Variants in TTC28 observed in about 807,000 individuals in gnomAD.
TTC28 encodes the protein tetratricopeptide repeat protein 28.
TTC28 carries 61 observed loss-of-function variants against 198.0 expected under a neutral mutation model. That is an observed-to-expected ratio of 0.31 (90% CI 0.25 to 0.38). The LOEUF (loss-of-function observed/expected upper bound fraction) is 0.38. Ranked by LOEUF, TTC28 falls within the 10% of genes least tolerant of loss-of-function variation. The probability of loss-of-function intolerance (pLI) is 1.00; values close to 1 mark genes in which losing one functional copy is unlikely to be tolerated. For missense variants in TTC28, 2,678 were observed against 3,164.0 expected (o/e 0.85, Z 3.69); for synonymous variants, 1,171 against 1,297.8 (o/e 0.90, Z 2.10).
At chr22:28,084,173 C>G (rs1941471719) in intron 12 of TTC28, among the ~76,000 whole-genome samples, 1 of 152,228 alleles carries the variant, frequency 6.6e-6, no homozygotes, top group Admixed American at 6.5e-5. Flanking sequence ...GTAGTTCTCC[C>G]AGCACACAGC....
rs745496541 is a variant in TTC28 at position 28,251,812 on chromosome 22, C to T, written c.933+44386G>A. On this transcript the variant is annotated intron_variant, in intron 5 of 22. Coordinates refer to ENST00000397906, the MANE Select transcript of TTC28 (RefSeq NM_001145418.2). ...ATTTCACTCTCCATTAAAAAGGATC[C>T]TGAATCAGAAATTCTCTCTCTCTCT... 4.5e-4 allele frequency among the ~76,000 whole-genome samples: 68 copies of T among 152,032 alleles called. 1 individual carries two copies. The highest frequency in any genetic ancestry group is 9.7e-5 in the African/African-American group (4 of 41,406).
At chr22:28,326,253 T>A (rs965958282) in intron 2 of TTC28, among the ~76,000 whole-genome samples, 3 of 152,176 alleles carry the variant, frequency 2.0e-5, no homozygotes, top group African/African-American at 7.2e-5. Flanking sequence ...TCCATTTATA[T>A]GACATTTGAA....
At chr22:28,341,915 G>A (rs1242477003) in intron 2 of TTC28, among the ~76,000 whole-genome samples, 1 of 152,068 alleles carries the variant, frequency 6.6e-6, no homozygotes, top group Non-Finnish European at 1.5e-5. Flanking sequence ...GGAGTTCAAG[G>A]TTACAGTGAG....
At chr22:28,211,126 A>G (rs1427917938) in intron 5 of TTC28, among the ~76,000 whole-genome samples, 1 of 152,180 alleles carries the variant, frequency 6.6e-6, no homozygotes, top group Admixed American at 6.5e-5. Context: ...AGAGCTCCTG[A>G]AGGAAGCACT....
chr22:28,406,066 T>A (rs928961361), intron 2 of TTC28, among the ~76,000 whole-genome samples: 1 of 152,242 alleles, frequency 6.6e-6, no homozygotes. Context: ...AGAACCCTCC[T>A]GCGCTAAGCC....
intron 2 of TTC28, among the ~76,000 whole-genome samples, chr22:28,366,112 A>G (rs529380615): frequency 6.6e-6 from 1 of 152,226 alleles, no homozygotes; most frequent in Non-Finnish European, 1.5e-5. Context: ...CATGTTGAAA[A>G]TACCATTCTA....
intron 1 of TTC28, among the ~76,000 whole-genome samples, chr22:28,647,090 C>G (rs141910257): frequency 6.6e-6 from 1 of 152,082 alleles, no homozygotes; most frequent in East Asian, 1.9e-4. Context: ...ATACTTACAA[C>G]CAACTGATCT....
chr22:28,508,601 AACC>A (rs1450614725), intron 2 of TTC28, among the ~76,000 whole-genome samples: 1 of 152,142 alleles, frequency 6.6e-6, no homozygotes, highest in East Asian at 1.9e-4. Flanking sequence ...ACACACTTTA[AACC>A]AACAATGATC....
chr22:28,617,332 GA>G (rs35868414), intron 2 of TTC28, among the ~76,000 whole-genome samples: 19,518 of 122,126 alleles, frequency 0.16, 1,471 homozygotes, highest in African/African-American at 0.23. Flanking sequence ...AACTTTTTTT[GA>G]AAAAAAAAAA....
Position 28,001,384 on chromosome 22 carries a change from A to G in TTC28, c.4388T>C (p.Val1463Ala). The G allele has an allele frequency of 6.5e-7, 1 of 1,550,366 alleles. No individual in the cohort carries two copies. Among genetic ancestry groups the G allele is most frequent in the Non-Finnish European group, 8.7e-7 (1 of 1,146,168 alleles). Reference sequence around the variant, plus strand: ...GTGTGTGAGCCTTACCTTGGACTGCACGCTGAGGGAGCGGATGGAAGGGAC... The same window carrying G: ...GTGTGTGAGCCTTACCTTGGACTGCGCGCTGAGGGAGCGGATGGAAGGGAC... The part of the protein sequence containing the change: ...LAVPSIRSLS[V>A]QSKSHLRKNP... Residue 1463 changes from valine (V) to alanine (A), a missense_variant, in exon 15 of 23, where the codon GTG (valine) becomes GCG (alanine). Coordinates refer to ENST00000397906, the MANE Select transcript of TTC28 (RefSeq NM_001145418.2).
At chr22:28,165,150 C>T (rs1921772882) in intron 5 of TTC28, among the ~76,000 whole-genome samples, 1 of 152,154 alleles carries the variant, frequency 6.6e-6, no homozygotes, top group South Asian at 2.1e-4. Context: ...AAGAAATGAA[C>T]AAAGCCTCCA....
chr22:28,581,731 G>A (rs918925724), intron 2 of TTC28, among the ~76,000 whole-genome samples: 1 of 152,190 alleles, frequency 6.6e-6, no homozygotes, highest in Non-Finnish European at 1.5e-5. Context: ...GCCTAGGCTG[G>A]TGAGACCCCA....
At chr22:28,567,987 G>T (rs1451960563) in intron 2 of TTC28, among the ~76,000 whole-genome samples, 1 of 152,040 alleles carries the variant, frequency 6.6e-6, no homozygotes, top group Non-Finnish European at 1.5e-5. Context: ...ATTTAAAAAT[G>T]AATTTGTGAT....
chr22:28,502,759 C>T (rs2048554777), intron 2 of TTC28, among the ~76,000 whole-genome samples: 2 of 152,150 alleles, frequency 1.3e-5, no homozygotes, highest in Admixed American at 1.3e-4. Context: ...CTGGATACTG[C>T]AAAGATTCTC....
At chr22:28,183,803 T>G (rs1923936468) in intron 5 of TTC28, among the ~76,000 whole-genome samples, 1 of 152,184 alleles carries the variant, frequency 6.6e-6, no homozygotes, top group Non-Finnish European at 1.5e-5. Context: ...TCTGACAGTT[T>G]TACTTTAAAT....
chr22:28,519,880 C>G (rs537448556), intron 2 of TTC28, among the ~76,000 whole-genome samples: 1 of 152,186 alleles, frequency 6.6e-6, no homozygotes. Flanking sequence ...ATAACACACA[C>G]AAGTAAAATG....
At chr22:28,544,319 C>T (rs904019644) in intron 2 of TTC28, among the ~76,000 whole-genome samples, 1 of 152,126 alleles carries the variant, frequency 6.6e-6, no homozygotes, top group African/African-American at 2.4e-5. Context: ...CAATGAACAA[C>T]AATCAGAATA....
intron 5 of TTC28, among the ~76,000 whole-genome samples, chr22:28,199,159 G>C (rs1009922167): frequency 4.0e-5 from 6 of 151,582 alleles, no homozygotes; most frequent in Non-Finnish European, 8.8e-5. Flanking sequence ...GAAATACAGA[G>C]GAACATGTAC....
At chr22:28,395,972 G>A (rs974958390) in intron 2 of TTC28, among the ~76,000 whole-genome samples, 1 of 152,182 alleles carries the variant, frequency 6.6e-6, no homozygotes, top group African/African-American at 2.4e-5. Flanking sequence ...AATAAACTCA[G>A]AGAGGTTAAG....
Sources: gnomAD v4.1 joint callset for allele counts (sites outside exome capture counted in the v4.1 genomes callset) on GRCh38, gnomAD v4.1.1 for gene constraint, MANE v1.5 for transcripts, NCBI Gene and HGNC (gene_info 2026-07-23, HGNC 2026-07-21) for gene names.